The following ABCC5 variants were observed in gnomAD, a reference collection of about 807,000 sequenced individuals.
The protein encoded by ABCC5 is ATP binding cassette subfamily C member 5.
A neutral mutation model predicts 160.9 loss-of-function variants in ABCC5; 61 were observed. The observed-to-expected ratio is 0.38, with a 90% confidence interval of 0.31 to 0.47. ABCC5 has a LOEUF of 0.47. ABCC5 is among the 20% of genes least tolerant of loss of function. ABCC5 has a pLI of 0.99. For missense variants in ABCC5, 1,308 were observed against 1,813.3 expected (o/e 0.72, Z 5.06); for synonymous variants, 666 against 700.6 (o/e 0.95, Z 0.78).
At chr3:183,958,888 C>T (rs1716476691) in intron 17 of ABCC5, among the ~76,000 whole-genome samples, 1 of 152,104 alleles carries the variant, frequency 6.6e-6, no homozygotes, top group Non-Finnish European at 1.5e-5. Flanking sequence ...GTATAAGCCA[C>T]CTGTGCCTGA....
chr3:183,985,400 T>C (rs1016932676), intron 5 of ABCC5: 2 of 1,603,508 alleles, frequency 1.2e-6, no homozygotes, highest in Non-Finnish European at 1.7e-6. Flanking sequence ...CTTCTGTCAC[T>C]GGTTCCACTA....
chr3:183,995,360 C>T (rs748357505), intron 2 of ABCC5, among the ~76,000 whole-genome samples: 5 of 152,146 alleles, frequency 3.3e-5, no homozygotes, highest in Non-Finnish European at 7.3e-5. Flanking sequence ...ACTCTTCTTC[C>T]AACCCCCAGG....
chr3:184,014,013 T>C (rs575287097), intron 2 of ABCC5, among the ~76,000 whole-genome samples: 6 of 152,164 alleles, frequency 3.9e-5, no homozygotes, highest in Non-Finnish European at 8.8e-5. Flanking sequence ...TCTGGGATTA[T>C]AGGCGCCCGC....
Position 183,971,619 on chromosome 3 carries a change from G to C in ABCC5, c.1705C>G (p.Leu569Val), listed in dbSNP as rs758491194. Reference sequence around the variant, plus strand: ...GTCCTCTGTAAGCGCAGGTGGCCCAGGTGGATGTGCTTGCCTTCTTCCTCT... The same window carrying C: ...GTCCTCTGTAAGCGCAGGTGGCCCACGTGGATGTGCTTGCCTTCTTCCTCT... ...PEEEEGKHIHLGHLRLQRTLH... is the reference protein window; with the variant it reads ...PEEEEGKHIHVGHLRLQRTLH... Residue 569 changes from leucine (L) to valine (V), a missense_variant, in exon 11 of 30, where the codon CTG becomes GTG. Transcript: ENST00000334444. 1 of 1,614,144 alleles carries C rather than the reference G, an allele frequency of 6.2e-7. No homozygotes were observed. The highest frequency in any genetic ancestry group is 1.7e-5 in the Admixed American group (1 of 60,014).
intron 15 of ABCC5, among the ~76,000 whole-genome samples, chr3:183,962,881 T>C (rs1716900889): frequency 6.6e-6 from 1 of 152,106 alleles, no homozygotes; most frequent in Admixed American, 6.6e-5. Context: ...CTGCATTAAA[T>C]TTACACCCTT....
At chr3:183,941,891 T>C (rs1714387017) in intron 25 of ABCC5, among the ~76,000 whole-genome samples, 1 of 151,648 alleles carries the variant, frequency 6.6e-6, no homozygotes, top group South Asian at 2.1e-4. Context: ...GGAGAATCGC[T>C]TGAACCTGGG....
chr3:183,939,481 T>A (rs1039213462), intron 25 of ABCC5, among the ~76,000 whole-genome samples: 2 of 152,198 alleles, frequency 1.3e-5, no homozygotes, highest in African/African-American at 4.8e-5. Context: ...AACCATCTTT[T>A]AAAAAAATTT....
chr3:183,931,097 A>G (rs914290875), intron 26 of ABCC5, among the ~76,000 whole-genome samples: 1 of 152,214 alleles, frequency 6.6e-6, no homozygotes, highest in African/African-American at 2.4e-5. Flanking sequence ...TAATGAAATC[A>G]AGCAATTATA....
chr3:183,972,598 C>T (rs1205250937), intron 10 of ABCC5, among the ~76,000 whole-genome samples: 1 of 152,188 alleles, frequency 6.6e-6, no homozygotes, highest in Non-Finnish European at 1.5e-5. Context: ...GAGAACAAGA[C>T]ACTTTCCTCC....
intron 1 of ABCC5, among the ~76,000 whole-genome samples, chr3:184,014,809 G>A (rs1722061590): frequency 6.6e-6 from 1 of 151,798 alleles, no homozygotes; most frequent in South Asian, 2.1e-4. Context: ...AACAATTTCA[G>A]TTTGTCCCAA....
intron 10 of ABCC5, among the ~76,000 whole-genome samples, chr3:183,977,087 C>T (rs1357528732): frequency 6.6e-6 from 1 of 152,128 alleles, no homozygotes; most frequent in African/African-American, 2.4e-5. Flanking sequence ...CACCACAGGG[C>T]AGGAAAAAGA....
intron 12 of ABCC5, among the ~76,000 whole-genome samples, chr3:183,966,380 C>T (rs772576946): frequency 5.3e-5 from 8 of 152,186 alleles, no homozygotes; most frequent in Non-Finnish European, 8.8e-5. Flanking sequence ...GCACAAACAC[C>T]GCACATTGCA....
intron 2 of ABCC5, among the ~76,000 whole-genome samples, chr3:183,994,153 C>T (rs533530818): frequency 4.6e-5 from 7 of 151,760 alleles, no homozygotes; most frequent in African/African-American, 9.7e-5. Context: ...AGTAGAGATG[C>T]CATTTTGCCC....
intron 9 of ABCC5, 40 bp downstream of exon 9, chr3:183,978,463 G>T: frequency 6.3e-7 from 1 of 1,592,082 alleles, no homozygotes; most frequent in Non-Finnish European, 8.6e-7. Flanking sequence ...AGCAAATGTG[G>T]TATTTCTAAA....
chr3:183,992,463 C>A (rs1484783579), intron 2 of ABCC5, among the ~76,000 whole-genome samples: 2 of 152,192 alleles, frequency 1.3e-5, no homozygotes, highest in Non-Finnish European at 2.9e-5. Flanking sequence ...ACATCAACAT[C>A]TCTGGGATGC....
intron 17 of ABCC5, among the ~76,000 whole-genome samples, chr3:183,956,788 A>G (rs372871639): frequency 1.7e-5 from 1 of 58,498 alleles, no homozygotes. Context: ...TTACATGCGG[A>G]TCCGTGTGTA....
intron 25 of ABCC5, among the ~76,000 whole-genome samples, chr3:183,941,659 TCA>T (rs1424535372): frequency 1.3e-5 from 2 of 151,866 alleles, no homozygotes; most frequent in African/African-American, 4.8e-5. Flanking sequence ...GAAGACAAGT[TCA>T]GTCTTTGGAA....
At position 183,921,395 on chromosome 3, in the gene ABCC5, C is replaced by T; in HGVS notation, c.4219G>A (p.Glu1407Lys). The T allele has an allele frequency of 6.2e-7, 1 of 1,612,452 alleles. No individual in the cohort carries two copies. The stretch of plus-strand genomic sequence containing the variant: ...AGAAGGACCGATGGGGTGTCAAACT[C>T]CACCACCTGCAAAAGAAGGAGACGC... ...IMVLAQGQVV[E>K]FDTPSVLLSN... The change falls in exon 30 of 30, where the codon GAG becomes AAG. Residue 1407 changes from glutamate to lysine, a missense_variant. Physicochemically the swap from Glu to Lys is moderately conservative, Grantham distance 56 (BLOSUM62 1). Coordinates refer to ENST00000334444, the MANE Select transcript of ABCC5 (RefSeq NM_005688.4). This position sits in a 1 kb window ranked among gnomAD's most constrained non-coding sequence, Gnocchi z 4.1.
chr3:183,950,208 C>T, intron 20 of ABCC5, 83 bp from the exon 21 acceptor site: 1 of 1,433,858 alleles, frequency 7.0e-7, no homozygotes, highest in Non-Finnish European at 9.3e-7. Context: ...AGGGGTTCCA[C>T]AAACTCTCTA....
Sources: allele counts gnomAD v4.1 joint callset (sites outside exome capture counted in the v4.1 genomes callset), GRCh38; gene constraint gnomAD v4.1.1; non-coding constraint Gnocchi (gnomAD v3.1); transcripts MANE v1.5; gene names NCBI Gene and HGNC (gene_info 2026-07-23, HGNC 2026-07-21).